The following TUSC3 variants were observed in gnomAD, a reference collection of about 807,000 sequenced individuals.
TUSC3 encodes the protein tumor suppressor candidate 3, also known as dolichyl-diphosphooligosaccharide--protein glycosyltransferase subunit TUSC3.
In TUSC3, 45 loss-of-function variants were observed where a neutral mutation model predicts 44.8. The observed-to-expected ratio is 1.00, with a 90% confidence interval of 0.79 to 1.29. The LOEUF (loss-of-function observed/expected upper bound fraction) is 1.29. TUSC3 is among the 50% of genes most tolerant of loss of function. TUSC3 has a pLI of 0.00. For synonymous variants in TUSC3, 212 were observed against 152.9 expected, an observed-to-expected ratio of 1.39 and a Z score of -2.85; for missense variants, 519 against 437.9, an observed-to-expected ratio of 1.19 and a Z score of -1.65.
intron 3 of TUSC3, among the ~76,000 whole-genome samples, chr8:15,652,206 CAT>C (rs1378356141): frequency 1.3e-5 from 2 of 152,182 alleles, no homozygotes; most frequent in East Asian, 3.9e-4. Flanking sequence ...GTCTATCTCA[CAT>C]GTGATACTCT....
At chr8:15,430,931 T>C (rs938394436) in intron 1 of TUSC3, among the ~76,000 whole-genome samples, 17 of 151,802 alleles carry the variant, frequency 1.1e-4, no homozygotes, top group Admixed American at 6.6e-5. Flanking sequence ...CCCATTGTAA[T>C]TATTGTTGAC....
At chr8:15,656,860 C>G (rs538351676) in intron 3 of TUSC3, among the ~76,000 whole-genome samples, 1 of 152,230 alleles carries the variant, frequency 6.6e-6, no homozygotes, top group Non-Finnish European at 1.5e-5. Context: ...CTCTTACATT[C>G]TGGGCACGTG....
chr8:15,459,010 G>A (rs773594733), intron 1 of TUSC3, among the ~76,000 whole-genome samples: 1 of 152,152 alleles, frequency 6.6e-6, no homozygotes, highest in Non-Finnish European at 1.5e-5. Context: ...TTAAAGACCT[G>A]TTGAGATAGT....
intron 1 of TUSC3, among the ~76,000 whole-genome samples, chr8:15,479,904 A>G (rs1025336720): frequency 3.9e-5 from 6 of 152,178 alleles, no homozygotes; most frequent in African/African-American, 1.4e-4. Context: ...GGAAAACACC[A>G]TAGTCTCAGC....
intron 6 of TUSC3, among the ~76,000 whole-genome samples, chr8:15,703,130 C>A (rs1033810390): frequency 3.3e-5 from 5 of 152,086 alleles, no homozygotes; most frequent in African/African-American, 9.7e-5. Flanking sequence ...ATTTTAGTTG[C>A]ATAGCTTGCT....
At chr8:15,755,174 C>T (rs1585307473) in intron 9 of TUSC3, among the ~76,000 whole-genome samples, 1 of 152,058 alleles carries the variant, frequency 6.6e-6, no homozygotes, top group South Asian at 2.1e-4. Context: ...CCAGCCTGCT[C>T]GTTACTAGCT....
chr8:15,629,813 G>A (rs1805680035), intron 2 of TUSC3, among the ~76,000 whole-genome samples: 2 of 150,948 alleles, frequency 1.3e-5, no homozygotes, highest in South Asian at 2.1e-4. Flanking sequence ...TTGCTTAAAG[G>A]CTGGTGAATG....
At chr8:15,672,689 T>C (rs1274662492) in intron 5 of TUSC3, among the ~76,000 whole-genome samples, 1 of 152,064 alleles carries the variant, frequency 6.6e-6, no homozygotes, top group Non-Finnish European at 1.5e-5. Flanking sequence ...CATATTTTTA[T>C]AGCCAAAAAA....
At chr8:15,815,148 A>G in the TUSC3 span, among the ~76,000 whole-genome samples, 3 of 152,206 alleles carry the variant, frequency 2.0e-5, no homozygotes, top group African/African-American at 7.2e-5. Context: ...AACTGCTAGT[A>G]AATACTTGTA....
intron 1 of TUSC3, among the ~76,000 whole-genome samples, chr8:15,426,778 C>G (rs888820801): frequency 1.3e-5 from 2 of 152,122 alleles, no homozygotes; most frequent in Non-Finnish European, 1.5e-5. Context: ...TAAGGTAGTT[C>G]TATTTTATTT....
chr8:15,749,622 G>A (rs1563204535), intron 9 of TUSC3, among the ~76,000 whole-genome samples: 1 of 151,554 alleles, frequency 6.6e-6, no homozygotes, highest in Non-Finnish European at 1.5e-5. Context: ...GAGGCAAGCA[G>A]AGTCTTCAGG....
chr8:15,623,339 A>ATATAT (rs1805336772), intron 2 of TUSC3, 90 bp downstream of exon 2: 2 of 1,297,588 alleles, frequency 1.5e-6, no homozygotes, highest in Non-Finnish European at 2.0e-6. Context: ...TATATGTAAG[A>ATATAT]TAAACAGTTG....
intron 9 of TUSC3, among the ~76,000 whole-genome samples, chr8:15,757,537 T>C (rs894482496): frequency 1.3e-5 from 2 of 152,294 alleles, no homozygotes; most frequent in East Asian, 1.9e-4. Context: ...GTACACATCA[T>C]TGATGAGAAT....
chr8:15,727,044 T>G (rs1810524577), intron 6 of TUSC3, among the ~76,000 whole-genome samples: 1 of 152,118 alleles, frequency 6.6e-6, no homozygotes, highest in African/African-American at 2.4e-5. Flanking sequence ...CTCATGAGAA[T>G]TAGTAAAATA....
intron 6 of TUSC3, among the ~76,000 whole-genome samples, chr8:15,718,865 T>G (rs1179685827): frequency 6.6e-6 from 1 of 152,116 alleles, no homozygotes; most frequent in Non-Finnish European, 1.5e-5. Context: ...AGTTTTAATG[T>G]TGTTGCCTTT....
the TUSC3 span, among the ~76,000 whole-genome samples, chr8:15,815,571 A>G: frequency 6.6e-6 from 1 of 152,144 alleles, no homozygotes; most frequent in Non-Finnish European, 1.5e-5. Flanking sequence ...AGACAGAGGA[A>G]GAGTAATTAG....
At chr8:15,799,864 TTCA>T in the TUSC3 span, among the ~76,000 whole-genome samples, 1 of 152,122 alleles carries the variant, frequency 6.6e-6, no homozygotes. Flanking sequence ...TGAAAGACAA[TTCA>T]TCAAACAACA....
chr8:15,555,506 G>C (rs913996915), intron 1 of TUSC3, among the ~76,000 whole-genome samples: 2 of 150,806 alleles, frequency 1.3e-5, no homozygotes, highest in African/African-American at 2.4e-5. Flanking sequence ...TGTTGTACAG[G>C]ATGGCCTTGA....
rs1801073133 is a variant in TUSC3, at chr8:15,507,507, T to C, written n.189+24024T>C. On this transcript the variant is annotated intron_variant and non_coding_transcript_variant, in intron 2 of 5. Transcript: ENST00000503191. ...TTTTTTGTATTTTTCAGATTCTAGC[T>C]AATTTCTATAATTAAGGAAAATCAG... Among the ~76,000 whole-genome samples, 3 of 152,190 alleles carry C rather than the reference T, an allele frequency of 2.0e-5. No homozygotes were observed. The South Asian group carries it at 6.2e-4, about 31-fold the overall frequency.
Sources: gnomAD v4.1 joint callset for allele counts (sites outside exome capture counted in the v4.1 genomes callset) on GRCh38, gnomAD v4.1.1 for gene constraint, MANE v1.5 for transcripts, NCBI Gene and HGNC (gene_info 2026-07-23, HGNC 2026-07-21) for gene names.